The following TRAPPC11 variants were observed in gnomAD, a reference collection of about 807,000 sequenced individuals.
The protein encoded by TRAPPC11 is foie gras homolog.
In TRAPPC11, 104 loss-of-function variants were observed where a neutral mutation model predicts 151.2. The observed-to-expected ratio is 0.69, with a 90% CI of 0.59 to 0.81. The LOEUF (loss-of-function observed/expected upper bound fraction) is 0.81. TRAPPC11 is among the 30% of genes least tolerant of loss of function. TRAPPC11 has a pLI of 0.00. For missense variants in TRAPPC11, 1,230 were observed against 1,349.6 expected, an observed-to-expected ratio of 0.91 and a Z score of 1.39; for synonymous variants, 456 against 472.3, an observed-to-expected ratio of 0.97 and a Z score of 0.45.
intron 1 of TRAPPC11, among the ~76,000 whole-genome samples, chr4:183,663,469 G>A (rs1433254363): frequency 2.6e-5 from 4 of 152,192 alleles, no homozygotes; most frequent in African/African-American, 9.6e-5. Context: ...TCCTGACCTC[G>A]TGATCTGCCC....
rs747824372 is a variant in TRAPPC11 at position 183,680,231 on chromosome 4, G to A, written c.1077G>A (p.Glu359=). Reference sequence around the variant, plus strand: ...AGCAGGCAGCATACTATGCCCAGGAGCGGAAACAGCTTGCAAAAACCCTCT... The same window carrying A: ...AGCAGGCAGCATACTATGCCCAGGAACGGAAACAGCTTGCAAAAACCCTCT... ...YYQQAAYYAQ[E]RKQLAKTLCN... is the part of the protein sequence containing the mutation. The change falls in exon 10 of 30, where the codon GAG becomes GAA. Residue 359 remains glutamate (E), a synonymous_variant. Transcript: ENST00000334690. The A allele has an allele frequency of 3.0e-5, 48 of 1,613,866 alleles. No individual in the cohort carries two copies. Among genetic ancestry groups the A allele is most frequent in the Admixed American group, 5.0e-5 (3 of 59,972 alleles).
intron 1 of TRAPPC11, among the ~76,000 whole-genome samples, chr4:183,660,774 T>C (rs919156869): frequency 2.2e-4 from 33 of 152,142 alleles, no homozygotes; most frequent in Admixed American, 1.1e-3. Flanking sequence ...AGTGCAGTGG[T>C]GCGATCTCGG....
chr4:183,679,778 T>A (rs1475370600), intron 9 of TRAPPC11, among the ~76,000 whole-genome samples: 1 of 152,224 alleles, frequency 6.6e-6, no homozygotes, highest in East Asian at 1.9e-4. Flanking sequence ...CCTGCTGTCA[T>A]GGAGCTCACT....
At chr4:183,692,348 C>A (rs1736297478) in intron 19 of TRAPPC11, among the ~76,000 whole-genome samples, 1 of 149,434 alleles carries the variant, frequency 6.7e-6, no homozygotes, top group African/African-American at 2.5e-5. Context: ...GAACATGTTG[C>A]TTTTATTATT....
intron 5 of TRAPPC11, among the ~76,000 whole-genome samples, chr4:183,669,655 A>G (rs1345697129): frequency 6.6e-6 from 1 of 152,202 alleles, no homozygotes; most frequent in Non-Finnish European, 1.5e-5. Context: ...TATGATTGCC[A>G]TAACTGAGGG....
chr4:183,668,454 A>G (rs1734991687), intron 5 of TRAPPC11, among the ~76,000 whole-genome samples: 1 of 152,210 alleles, frequency 6.6e-6, no homozygotes, highest in South Asian at 2.1e-4. Context: ...TCCACTTAAC[A>G]TTACCTCATT....
chr4:183,679,466 T>C lies in TRAPPC11; in HGVS notation c.945T>C (p.His315=), dbSNP rs1472187510. ...KIGSAELSFE[H]DAWMSKQFQA... ...GAAGTGCAGAGCTGTCTTTTGAGCA[T>C]GATGCATGGATGTCTAAACAGTATG... The change falls in exon 9 of 30, where the codon CAT becomes CAC. Residue 315 remains histidine (H), a synonymous_variant. Coordinates refer to ENST00000334690, the MANE Select transcript of TRAPPC11 (RefSeq NM_021942.6). The C allele has an allele frequency of 6.2e-7, 1 of 1,611,704 alleles. No homozygotes were observed. Among genetic ancestry groups the C allele is most frequent in the African/African-American group, 1.3e-5 (1 of 74,916 alleles).
chr4:183,694,845 AT>A, intron 23 of TRAPPC11, 122 bp downstream of exon 23: 1 of 998,168 alleles, frequency 1.0e-6, no homozygotes, highest in Non-Finnish European at 1.4e-6. Context: ...TCTGTTATAA[AT>A]TTTAATTAAA....
chr4:183,663,455 G>C (rs917236240), intron 1 of TRAPPC11, among the ~76,000 whole-genome samples: 1 of 152,052 alleles, frequency 6.6e-6, no homozygotes, highest in Non-Finnish European at 1.5e-5. Context: ...GGATGGTCTC[G>C]ATCTCCTGAC....
chr4:183,676,586 T>A (rs1735422989), intron 7 of TRAPPC11, among the ~76,000 whole-genome samples: 1 of 152,258 alleles, frequency 6.6e-6, no homozygotes, highest in South Asian at 2.1e-4. Flanking sequence ...TTTTGAGATT[T>A]CCTCATTTCC....
chr4:183,678,393 G>A (rs547480640), intron 8 of TRAPPC11, among the ~76,000 whole-genome samples: 16 of 152,216 alleles, frequency 1.1e-4, no homozygotes, highest in Admixed American at 8.5e-4. Context: ...GTGATGTATG[G>A]CCAAATAGAT....
At position 183,686,759 on chromosome 4, in the gene TRAPPC11, C is replaced by T. The variant is rs1010228099; in HGVS notation, c.1893+11C>T. 1 of 1,613,114 alleles carries T rather than the reference C, an allele frequency of 6.2e-7. No homozygotes were observed. Among genetic ancestry groups the T allele is most frequent in the Admixed American group, 1.7e-5 (1 of 59,838 alleles). On this transcript the variant is annotated intron_variant, in intron 18 of 29. Coordinates refer to ENST00000334690, the MANE Select transcript of TRAPPC11 (RefSeq NM_021942.6). ...AGCTTTAATAATCAGGTAATGATGC[C>T]ATGTCATGTGTTTTTACCACGTTTA...
At chr4:183,665,929 C>CTTTTTTTTTTTTTTTTTTTTTTTTTTTT (rs11462767) in intron 2 of TRAPPC11, among the ~76,000 whole-genome samples, 1 of 137,888 alleles carries the variant, frequency 7.3e-6, no homozygotes, top group African/African-American at 2.7e-5. Flanking sequence ...AAATGGGCTA[C>CTTTTTTTTTTTTTTTTTTTTTTTTTTTT]TTTTTTTTTT....
At chr4:183,671,331 G>T (rs1053270637) in intron 5 of TRAPPC11, among the ~76,000 whole-genome samples, 1 of 152,124 alleles carries the variant, frequency 6.6e-6, no homozygotes, top group African/African-American at 2.4e-5. Flanking sequence ...AATTGGAACT[G>T]CTGTAAGCAT....
At chr4:183,681,850 C>T (rs1735717312) in intron 10 of TRAPPC11, among the ~76,000 whole-genome samples, 1 of 151,750 alleles carries the variant, frequency 6.6e-6, no homozygotes, top group Non-Finnish European at 1.5e-5. Context: ...TATCTTTTGA[C>T]CTAGAATTTA....
At position 183,706,729 on chromosome 4, in the gene TRAPPC11, G is replaced by A. The variant is rs1737092271; in HGVS notation, c.3056-78G>A. The stretch of plus-strand genomic sequence containing the variant: ...TTAAATGATACTATGTCCACAGAAT[G>A]AGATTCATTTACAAAACGAAGCCAT... On this transcript the variant is annotated intron_variant, in intron 27 of 29. Coordinates refer to ENST00000334690, the MANE Select transcript of TRAPPC11 (RefSeq NM_021942.6). 7 of 1,467,526 alleles carry A rather than the reference G, an allele frequency of 4.8e-6. No individual in the cohort carries two copies. The Admixed American group carries it at 5.8e-5, about 12-fold the overall frequency. 90.9% of individuals were successfully genotyped at this position (1,467,526 alleles called of 1,614,324 possible).
At chr4:183,684,510 G>T in intron 14 of TRAPPC11, 151 bp downstream of exon 14, 1 of 1,005,368 alleles carries the variant, frequency 9.9e-7, no homozygotes, top group East Asian at 2.5e-5. Context: ...AAGTGCTATT[G>T]ATGGCACAAT....
At chr4:183,689,579 T>G (rs1354430897) in intron 18 of TRAPPC11, among the ~76,000 whole-genome samples, 1 of 151,956 alleles carries the variant, frequency 6.6e-6, no homozygotes, top group Non-Finnish European at 1.5e-5. Context: ...CAGGGGTTTT[T>G]TTTGTTTGTT....
chr4:183,705,079 AT>A lies in TRAPPC11; in HGVS notation c.3055+11del. On this transcript the variant is annotated intron_variant, in intron 27 of 29. Transcript: ENST00000334690. ...TCTCCATGTGAATGCAGGTAGCGGA[AT>A]TCAAATTTTACTTGATAAGAAGGAC... The A allele has an allele frequency of 6.4e-7, 1 of 1,567,378 alleles. No individual in the cohort carries two copies.
Sources: gnomAD v4.1 joint callset for allele counts (sites outside exome capture counted in the v4.1 genomes callset) on GRCh38, gnomAD v4.1.1 for gene constraint, MANE v1.5 for transcripts, NCBI Gene and HGNC (gene_info 2026-07-23, HGNC 2026-07-21) for gene names.